Variants in SOCS6 observed in about 807,000 individuals in gnomAD.
SOCS6 encodes STAT induced STAT inhibitor-4.
In SOCS6, 5 loss-of-function variants were observed where a neutral mutation model predicts 27.7. The observed-to-expected ratio is 0.18, with a 90% CI of 0.09 to 0.38. SOCS6 has a LOEUF of 0.38. SOCS6 is among the 10% of genes least tolerant of loss of function. SOCS6 has a pLI of 1.00. For missense variants in SOCS6, 595 were observed against 688.1 expected, an observed-to-expected ratio of 0.86 and a Z score of 1.51; for synonymous variants, 271 against 260.0, an observed-to-expected ratio of 1.04 and a Z score of -0.41.
At chr18:70,318,465 G>A (rs1259471437) in intron 1 of SOCS6, among the ~76,000 whole-genome samples, 3 of 152,100 alleles carry the variant, frequency 2.0e-5, no homozygotes, top group African/African-American at 7.2e-5. Context: ...AACACACTTA[G>A]TACAACTAGC....
chr18:70,292,784 C>A (rs577801052), intron 1 of SOCS6, among the ~76,000 whole-genome samples: 1 of 152,336 alleles, frequency 6.6e-6, no homozygotes, highest in East Asian at 1.9e-4. Context: ...CGTTCCTCAA[C>A]AATCTAAGCT....
rs555435600 is a variant in SOCS6 at position 70,299,658 on chromosome 18, C to T, written c.-127+10568C>T. 2.6e-5 allele frequency among the ~76,000 whole-genome samples: 4 copies of T among 152,206 alleles called. No homozygotes were observed. In the South Asian group the frequency reaches 8.3e-4, roughly 32 times the overall value. On this transcript the variant is annotated intron_variant, in intron 1 of 1. Coordinates refer to ENST00000397942, the MANE Select transcript of SOCS6 (RefSeq NM_004232.4). ...CTAGGAGGGCCGCTTTTAATCACAG[C>T]GTTAGCATTAACAGTTGTGATTGAA...
intron 1 of SOCS6, among the ~76,000 whole-genome samples, chr18:70,290,714 C>T (rs896175480): frequency 6.6e-6 from 1 of 152,238 alleles, no homozygotes; most frequent in Non-Finnish European, 1.5e-5. Context: ...GGGCTTTCCG[C>T]TTGTGCCTGG....
rs773900267 is a variant in SOCS6, at chr18:70,325,850, A to C, written c.1182A>C (p.Ala394=). 8 of 1,614,240 alleles carry C rather than the reference A, an allele frequency of 5.0e-6. No individual in the cohort carries two copies. The Admixed American group carries it at 1.3e-4, about 27-fold the overall frequency. ...GGGGACCAATCACACGTTGGGAGGC[A>C]GAAGGGAAGCTAGCAAACGTGCCAG... ...WYWGPITRWE[A]EGKLANVPDG... is the part of the protein sequence containing the mutation. Residue 394 remains alanine (A), a synonymous_variant, in exon 2 of 2, where the codon GCA becomes GCC. Transcript: ENST00000397942. This position sits in a 1 kb window ranked among gnomAD's most constrained non-coding sequence, Gnocchi z 6.3.
At position 70,321,386 on chromosome 18, in the gene SOCS6, T is replaced by C. The variant is rs1436294015; in HGVS notation, c.-126-3157T>C. 2.3e-5 allele frequency among the ~76,000 whole-genome samples: 3 copies of C among 130,940 alleles called. No individual in the cohort carries two copies. In the East Asian group the frequency reaches 8.3e-4, roughly 36 times the overall value. 85.9% of individuals were successfully genotyped at this position (130,940 alleles called of 152,430 possible). A position where few individuals can be genotyped will look rare whatever the true frequency, so the allele number is the denominator to read the frequency against. On this transcript the variant is annotated intron_variant, in intron 1 of 1. Transcript: ENST00000397942. ...CCCAGGCTGGAGTGCAGTGGCGCAA[T>C]CTTGGCTCACTGCAACCTCTGCCTC...
chr18:70,326,165 GT>G lies in SOCS6; in HGVS notation c.1499del (p.Leu500CysfsTer15). The G allele has an allele frequency of 6.2e-7, 1 of 1,614,142 alleles. No homozygotes were observed. ...PVSRFMQVRS[L>X]QYLCRFVIRQ... Reference sequence around the variant, plus strand: ...TGTCCCGGTTCATGCAGGTGCGCTCGTTGCAGTACCTGTGTCGTTTTGTTAT... The same window carrying G: ...TGTCCCGGTTCATGCAGGTGCGCTCGTGCAGTACCTGTGTCGTTTTGTTAT... On this transcript the variant is annotated frameshift_variant, in exon 2 of 2. Coordinates refer to ENST00000397942, the MANE Select transcript of SOCS6 (RefSeq NM_004232.4). LOFTEE classifies it high-confidence loss of function.
intron 1 of SOCS6, among the ~76,000 whole-genome samples, chr18:70,313,403 G>T (rs565086827): frequency 5.9e-5 from 9 of 152,040 alleles, no homozygotes; most frequent in African/African-American, 2.2e-4. Context: ...TGCATTGTCA[G>T]ATTTATTCTT....
chr18:70,310,609 A>G (rs901481364), intron 1 of SOCS6, among the ~76,000 whole-genome samples: 8 of 151,808 alleles, frequency 5.3e-5, no homozygotes, highest in South Asian at 2.1e-4. Context: ...AGCCCGGCCA[A>G]CCACCTCATT....
At chr18:70,292,655 C>G (rs1473271318) in intron 1 of SOCS6, among the ~76,000 whole-genome samples, 1 of 152,182 alleles carries the variant, frequency 6.6e-6, no homozygotes, top group African/African-American at 2.4e-5. Flanking sequence ...GCCAAAAATC[C>G]AAACTCTTCC....
In SOCS6 at chr18:70,305,002, C is replaced by T. The variant is rs148018938; in HGVS notation, c.-127+15912C>T. The stretch of plus-strand genomic sequence containing the variant: ...TGGGCGGATCTGAAGGTCAGGAGTT[C>T]GAGACCAGTCTGGCCAACATGGTGA... On this transcript the variant is annotated intron_variant, in intron 1 of 1. Transcript: ENST00000397942. 8.7e-3 allele frequency among the ~76,000 whole-genome samples: 1,317 copies of T among 152,104 alleles called. 13 individuals carry two copies. The highest frequency in any genetic ancestry group is 0.032 in the South Asian group (154 of 4,816).
intron 1 of SOCS6, among the ~76,000 whole-genome samples, chr18:70,301,930 C>T (rs993922299): frequency 7.9e-5 from 12 of 152,026 alleles, no homozygotes; most frequent in Middle Eastern, 3.2e-3. Flanking sequence ...CTGCTCTGTG[C>T]GATGATTGGT....
chr18:70,296,184 G>A (rs2062321952), intron 1 of SOCS6, among the ~76,000 whole-genome samples: 1 of 152,188 alleles, frequency 6.6e-6, no homozygotes, highest in Non-Finnish European at 1.5e-5. Flanking sequence ...TGATGGGGAA[G>A]ATGACTTTTT....
intron 1 of SOCS6, among the ~76,000 whole-genome samples, chr18:70,314,768 A>G (rs1159739098): frequency 6.6e-6 from 1 of 151,916 alleles, no homozygotes; most frequent in Admixed American, 6.6e-5. Flanking sequence ...TGTCTAATTC[A>G]TTGGCTAATA....
intron 1 of SOCS6, among the ~76,000 whole-genome samples, chr18:70,313,816 C>T (rs918510630): frequency 6.6e-6 from 1 of 152,106 alleles, no homozygotes; most frequent in Admixed American, 6.5e-5. Flanking sequence ...TTTCTCTTTT[C>T]GTTGTTTGCA....
In SOCS6 at chr18:70,326,267, G is replaced by T. The variant is rs770696545; in HGVS notation, c.1599G>T (p.Lys533Asn). The T allele has an allele frequency of 8.7e-6, 14 of 1,611,296 alleles. No individual in the cohort carries two copies. Among genetic ancestry groups the T allele is most frequent in the Non-Finnish European group, 1.2e-5 (14 of 1,178,406 alleles). Residue 533 changes from lysine to asparagine, a missense_variant, in exon 2 of 2, where the codon AAG (lysine) becomes AAT (asparagine). Around this residue, in one of 2 missense-constraint regions of SOCS6, gnomAD observed 128 missense variants for 207.0 expected, o/e 0.62. Transcript: ENST00000397942. ...AAATGAAGGATTATTTACAGGAGAAGCACTACTGAAAGATTGAGAACCCTG... is the reference window on the plus strand; with the variant it reads ...AAATGAAGGATTATTTACAGGAGAATCACTACTGAAAGATTGAGAACCCTG... ...PNKMKDYLQE[K>N]HY
At chr18:70,294,886 C>G (rs1017990081) in intron 1 of SOCS6, among the ~76,000 whole-genome samples, 2 of 152,232 alleles carry the variant, frequency 1.3e-5, no homozygotes, top group African/African-American at 2.4e-5. Flanking sequence ...AGCGAACACA[C>G]TAAAATACTT....
At chr18:70,323,206 C>G (rs1194385267) in intron 1 of SOCS6, among the ~76,000 whole-genome samples, 1 of 152,144 alleles carries the variant, frequency 6.6e-6, no homozygotes. Flanking sequence ...GCATTTCGCT[C>G]AAGTCAAGCG....
At chr18:70,296,677 G>A (rs2062324195) in intron 1 of SOCS6, 1 of 152,232 alleles carries the variant, frequency 6.6e-6, no homozygotes, top group Non-Finnish European at 1.5e-5. Flanking sequence ...CAGTTTCCCA[G>A]GCAGTTGTAA....
Position 70,324,600 on chromosome 18 carries a change from C to A in SOCS6, c.-69C>A. 9.4e-7 allele frequency: 1 copy of A among 1,058,372 alleles called. No homozygotes were observed. Among genetic ancestry groups the A allele is most frequent in the Non-Finnish European group, 1.4e-6 (1 of 722,688 alleles). 65.6% of individuals were successfully genotyped at this position (1,058,372 alleles called of 1,614,324 possible). ...AAATACATAGATGCAGCCTTGCAGCCTCTCCAGATGTTTGGGGATAATATT... is the reference window on the plus strand; with the variant it reads ...AAATACATAGATGCAGCCTTGCAGCATCTCCAGATGTTTGGGGATAATATT... On this transcript the variant is annotated 5_prime_UTR_variant, in exon 2 of 2. Transcript: ENST00000397942.
Sources: gnomAD v4.1 joint callset for allele counts (sites outside exome capture counted in the v4.1 genomes callset) on GRCh38, gnomAD v4.1.1 for gene constraint, gnomAD v4.1.1 regional missense constraint, Gnocchi (gnomAD v3.1) non-coding constraint, MANE v1.5 for transcripts, NCBI Gene and HGNC (gene_info 2026-07-23, HGNC 2026-07-21) for gene names.